The following EYA1 variants were observed in gnomAD, a reference collection of about 807,000 sequenced individuals.
EYA1 encodes protein phosphatase EYA1.
A neutral mutation model predicts 82.0 loss-of-function variants in EYA1; 16 were observed. That is an observed-to-expected ratio of 0.20 (90% confidence interval 0.13 to 0.30). EYA1 has a LOEUF of 0.30. Among genes scored for constraint, EYA1 ranks in the 10% least tolerant of loss-of-function variants. The probability of loss-of-function intolerance (pLI) is 1.00; values close to 1 mark genes in which losing one functional copy is unlikely to be tolerated. For synonymous variants in EYA1, 261 were observed against 264.4 expected (o/e 0.99, Z 0.12); for missense variants, 633 against 730.7 (o/e 0.87, Z 1.54).
intron 16 of EYA1, among the ~76,000 whole-genome samples, chr8:71,211,832 T>G (rs999469536): frequency 2.6e-5 from 4 of 152,200 alleles, no homozygotes; most frequent in Non-Finnish European, 5.9e-5. Flanking sequence ...GATGTAGTCT[T>G]GTAAAACTCC....
intron 2 of EYA1, among the ~76,000 whole-genome samples, chr8:71,505,801 G>A (rs1812150070): frequency 6.6e-6 from 1 of 152,112 alleles, no homozygotes; most frequent in Non-Finnish European, 1.5e-5. Flanking sequence ...TATGGTTTGA[G>A]TCTATGTCCC....
intron 6 of EYA1, among the ~76,000 whole-genome samples, chr8:71,320,129 CA>C (rs1226474571): frequency 6.6e-5 from 10 of 152,096 alleles, no homozygotes; most frequent in African/African-American, 2.4e-4. Context: ...CTATTTCAGA[CA>C]AGGACATTCA....
intron 2 of EYA1, among the ~76,000 whole-genome samples, chr8:71,395,615 A>G (rs1586624259): frequency 6.6e-6 from 1 of 152,148 alleles, no homozygotes; most frequent in East Asian, 1.9e-4. Flanking sequence ...CATATGTTGA[A>G]TCAGCCTTGC....
At chr8:71,308,117 A>G (rs1480945632) in intron 7 of EYA1, among the ~76,000 whole-genome samples, 1 of 152,188 alleles carries the variant, frequency 6.6e-6, no homozygotes, top group African/African-American at 2.4e-5. Context: ...CTCTGGTGCC[A>G]GGTTATGGTT....
intron 12 of EYA1, among the ~76,000 whole-genome samples, chr8:71,243,608 G>T (rs1812744723): frequency 6.6e-6 from 1 of 152,160 alleles, no homozygotes; most frequent in Admixed American, 6.5e-5. Context: ...CAGATGAAAA[G>T]AAATCAAAAT....
intron 2 of EYA1, among the ~76,000 whole-genome samples, chr8:71,402,494 A>G (rs960478987): frequency 6.6e-6 from 1 of 152,250 alleles, no homozygotes; most frequent in Admixed American, 6.5e-5. Flanking sequence ...ACATGCCCAC[A>G]AAAGAAAAGG....
chr8:71,227,688 G>A (rs1810720578), intron 12 of EYA1, among the ~76,000 whole-genome samples: 1 of 151,884 alleles, frequency 6.6e-6, no homozygotes, highest in South Asian at 2.1e-4. Flanking sequence ...TTTTTCTGGA[G>A]CAATTTCCCA....
chr8:71,419,403 C>CCATA (rs1219883098), intron 2 of EYA1, among the ~76,000 whole-genome samples: 2 of 152,128 alleles, frequency 1.3e-5, no homozygotes, highest in Non-Finnish European at 2.9e-5. Context: ...TATAGGACAG[C>CCATA]CTATGCCATG....
intron 1 of EYA1, among the ~76,000 whole-genome samples, chr8:71,358,807 G>T (rs967458211): frequency 1.3e-5 from 2 of 151,950 alleles, no homozygotes; most frequent in African/African-American, 4.8e-5. Flanking sequence ...GTCTTGTAAA[G>T]GTCTAAAACC....
intron 4 of EYA1, among the ~76,000 whole-genome samples, chr8:71,331,013 T>C (rs1177905176): frequency 2.0e-5 from 3 of 151,918 alleles, no homozygotes; most frequent in East Asian, 1.9e-4. Context: ...AGTGGATTAC[T>C]AGGTCAAGAG....
At chr8:71,266,189 C>A (rs1815784815) in intron 11 of EYA1, among the ~76,000 whole-genome samples, 1 of 152,180 alleles carries the variant, frequency 6.6e-6, no homozygotes, top group Non-Finnish European at 1.5e-5. Flanking sequence ...GGCATTCATT[C>A]TTTATATACA....
chr8:71,457,305 T>C lies in EYA1; in HGVS notation c.33+78439A>G, dbSNP rs187203073. ...TAGAGAAATAGGAACACTTTTACAC[T>C]GTTGGTGGGAGGGTAAACTAGTTCA... On this transcript the variant is annotated intron_variant, in intron 2 of 18. Coordinates refer to the EYA1 transcript ENST00000643681. Among the ~76,000 whole-genome samples the C allele has an allele frequency of 2.0e-4, 30 of 152,310 alleles. No homozygotes were observed. The East Asian group carries it at 5.2e-3, about 26-fold the overall frequency.
At chr8:71,327,230 A>G (rs1277479368) in intron 4 of EYA1, among the ~76,000 whole-genome samples, 2 of 152,242 alleles carry the variant, frequency 1.3e-5, no homozygotes, top group Non-Finnish European at 2.9e-5. Context: ...ATTGCTTGGC[A>G]TATAGCAGGT....
At chr8:71,498,380 T>A (rs1342109653) in intron 2 of EYA1, among the ~76,000 whole-genome samples, 1 of 152,224 alleles carries the variant, frequency 6.6e-6, no homozygotes, top group African/African-American at 2.4e-5. Flanking sequence ...ATCACATTAG[T>A]CTCTTGCCAT....
intron 1 of EYA1, among the ~76,000 whole-genome samples, chr8:71,546,514 T>TTTA (rs1815600208): frequency 6.6e-6 from 1 of 150,486 alleles, no homozygotes. Flanking sequence ...GATTCTTATT[T>TTTA]TTTTTTTTTT....
At chr8:71,304,850 C>T (rs1371688481) in intron 7 of EYA1, among the ~76,000 whole-genome samples, 2 of 142,320 alleles carry the variant, frequency 1.4e-5, no homozygotes, top group East Asian at 2.1e-4. Flanking sequence ...GCCAACACTA[C>T]CAGATGGATT....
chr8:71,344,574 G>A (rs927820776), intron 3 of EYA1, among the ~76,000 whole-genome samples: 12 of 152,044 alleles, frequency 7.9e-5, no homozygotes, highest in East Asian at 1.9e-4. Flanking sequence ...ACAGTTTCAC[G>A]TTTCTTTAAT....
At chr8:71,481,673 A>G (rs972779487) in intron 2 of EYA1, among the ~76,000 whole-genome samples, 6 of 152,152 alleles carry the variant, frequency 3.9e-5, no homozygotes, top group Non-Finnish European at 8.8e-5. Flanking sequence ...GTTAATCAAC[A>G]AGAGTTCTCT....
intron 12 of EYA1, among the ~76,000 whole-genome samples, chr8:71,232,190 T>C (rs1811278394): frequency 6.6e-6 from 1 of 152,196 alleles, no homozygotes; most frequent in African/African-American, 2.4e-5. Flanking sequence ...GAATTCACAG[T>C]GTTGATGGAG....
Sources: gnomAD v4.1 joint callset for allele counts (sites outside exome capture counted in the v4.1 genomes callset) on GRCh38, gnomAD v4.1.1 for gene constraint, MANE v1.5 for transcripts, NCBI Gene and HGNC (gene_info 2026-07-23, HGNC 2026-07-21) for gene names.